Variants in JAK2 observed in about 807,000 individuals in gnomAD.
The protein encoded by JAK2 is Janus kinase 2, also known as tyrosine-protein kinase JAK2.
In JAK2, 86 loss-of-function variants were observed where a neutral mutation model predicts 139.3. That is an observed-to-expected ratio of 0.62 (90% CI 0.52 to 0.74). The LOEUF is 0.74. JAK2 is among the 30% of genes least tolerant of loss of function. JAK2 has a pLI of 0.00. For synonymous variants in JAK2, 490 were observed against 437.7 expected, an observed-to-expected ratio of 1.12 and a Z score of -1.49; for missense variants, 1,421 against 1,360.3, an observed-to-expected ratio of 1.04 and a Z score of -0.70.
Position 5,054,558 on chromosome 9 carries a change from C to A in JAK2, c.615-5C>A. ...GTTTTTCTGTATGTGCTTTTTTATC[C>A]CTAGCTACAAGACATTCTTACCAAA... On this transcript the variant is annotated splice_polypyrimidine_tract_variant and splice_region_variant and intron_variant, in intron 6 of 24. Transcript: ENST00000381652. This position sits in a 1 kb window ranked among gnomAD's most constrained non-coding sequence, Gnocchi z 4.9. 6.5e-7 allele frequency: 1 copy of A among 1,538,040 alleles called. No homozygotes were observed. Among genetic ancestry groups the A allele is most frequent in the South Asian group, 1.3e-5 (1 of 79,610 alleles).
At chr9:4,998,321 A>G (rs1238846334) in intron 2 of JAK2, among the ~76,000 whole-genome samples, 1 of 152,072 alleles carries the variant, frequency 6.6e-6, no homozygotes, top group African/African-American at 2.4e-5. Flanking sequence ...CAGTGGCATT[A>G]TCTCAGCTCA....
Position 5,126,710 on chromosome 9 carries a change from G to C in JAK2, c.3318G>C (p.Trp1106Cys). 1 of 1,610,238 alleles carries C rather than the reference G, an allele frequency of 6.2e-7. No individual in the cohort carries two copies. Among genetic ancestry groups the C allele is most frequent in the Non-Finnish European group, 8.5e-7 (1 of 1,177,332 alleles). Residue 1106 changes from tryptophan to cysteine, a missense_variant, in exon 25 of 25, where the codon TGG (tryptophan) becomes TGC (cysteine). Coordinates refer to ENST00000381652, the MANE Select transcript of JAK2 (RefSeq NM_004972.4). The part of the protein sequence containing the change: ...DEIYMIMTEC[W>C]NNNVNQRPSF... ...TCTATATGATCATGACAGAATGCTG[G>C]AACAATAATGTAAATCAACGCCCCT...
At chr9:5,030,474 G>C (rs1238666467) in intron 4 of JAK2, among the ~76,000 whole-genome samples, 2 of 151,984 alleles carry the variant, frequency 1.3e-5, no homozygotes. Context: ...ATTTTTCTAA[G>C]CATTTATATA....
chr9:5,056,603 G>C (rs939099099), intron 8 of JAK2, among the ~76,000 whole-genome samples: 2 of 152,096 alleles, frequency 1.3e-5, no homozygotes, highest in African/African-American at 4.8e-5. Flanking sequence ...TGAGCCTTTT[G>C]AAGGTAAGGA....
chr9:5,013,387 G>T (rs1282519646), intron 2 of JAK2, among the ~76,000 whole-genome samples: 2 of 152,160 alleles, frequency 1.3e-5, no homozygotes, highest in East Asian at 3.8e-4. Context: ...AATCAAAATG[G>T]TTATATCTTG....
intron 4 of JAK2, among the ~76,000 whole-genome samples, chr9:5,033,408 T>C (rs1031967841): frequency 3.9e-5 from 6 of 152,076 alleles, no homozygotes; most frequent in Non-Finnish European, 7.4e-5. Flanking sequence ...AGATACTCCT[T>C]GAGAAGAGCA....
At position 4,989,789 on chromosome 9, in the gene JAK2, A is replaced by G. The variant is rs896015625; in HGVS notation, c.-26+3767A>G. On this transcript the variant is annotated intron_variant, in intron 2 of 24. Coordinates refer to ENST00000381652, the MANE Select transcript of JAK2 (RefSeq NM_004972.4). ...ATGTATGATATGTTCAGAGAGCAGTACATAAATAACTTGACTGAAATGAAG... is the reference window on the plus strand; with the variant it reads ...ATGTATGATATGTTCAGAGAGCAGTGCATAAATAACTTGACTGAAATGAAG... Among the ~76,000 whole-genome samples the G allele has an allele frequency of 2.0e-5, 3 of 152,222 alleles. No homozygotes were observed. The South Asian group carries it at 6.2e-4, about 31-fold the overall frequency.
At chr9:5,013,464 C>T (rs963488333) in intron 2 of JAK2, among the ~76,000 whole-genome samples, 9 of 152,140 alleles carry the variant, frequency 5.9e-5, no homozygotes, top group Admixed American at 2.0e-4. Context: ...TTCTTGGCTT[C>T]TTCTTCAGAC....
At chr9:5,035,034 A>T (rs1823471683) in intron 4 of JAK2, among the ~76,000 whole-genome samples, 2 of 152,214 alleles carry the variant, frequency 1.3e-5, no homozygotes, top group Non-Finnish European at 2.9e-5. Flanking sequence ...ACATGCAATA[A>T]AAAATGATAA....
chr9:5,057,580 CTTTTTTTTTTT>C (rs541931562), intron 8 of JAK2, among the ~76,000 whole-genome samples: 1 of 116,800 alleles, frequency 8.6e-6, no homozygotes, highest in East Asian at 2.3e-4. Context: ...ATTCTACTTT[CTTTTTTTTTTT>C]TTTTTTTTTT....
intron 22 of JAK2, among the ~76,000 whole-genome samples, chr9:5,118,719 A>G (rs144523765): frequency 2.8e-3 from 427 of 152,326 alleles, no homozygotes; most frequent in Non-Finnish European, 4.1e-3. Flanking sequence ...GAGTTTTGTT[A>G]TAATAGTATC....
chr9:5,028,067 T>G (rs1822893236), intron 3 of JAK2, among the ~76,000 whole-genome samples: 2 of 152,232 alleles, frequency 1.3e-5, no homozygotes, highest in Non-Finnish European at 2.9e-5. Flanking sequence ...TTCCATAAGT[T>G]TTTTTATTTA....
At chr9:5,089,019 A>C (rs1238059383) in intron 19 of JAK2, among the ~76,000 whole-genome samples, 1 of 152,212 alleles carries the variant, frequency 6.6e-6, no homozygotes, top group Non-Finnish European at 1.5e-5. Context: ...TTTTGTAAAA[A>C]AGGAAAATTC....
Position 4,986,037 on chromosome 9 carries a change from C to T in JAK2, c.-26+15C>T, listed in dbSNP as rs966349777. 6.6e-6 allele frequency: 1 copy of T among 152,620 alleles called. No homozygotes were observed. The highest frequency in any genetic ancestry group is 1.5e-5 in the Non-Finnish European group (1 of 68,162). The allele number at this position is 152,620 out of a possible 1,614,324, so 9.5% of individuals were successfully genotyped here. A position where few individuals can be genotyped will look rare whatever the true frequency, so the allele number is the denominator to read the frequency against. The stretch of plus-strand genomic sequence containing the variant: ...CTCCCGCGACGGTGGGTGTGCTGTC[C>T]TTTATCGCTGCAGTAAAGGCGAAGG... On this transcript the variant is annotated intron_variant, in intron 2 of 24. Transcript: ENST00000381652.
chr9:5,073,887 T>C (rs1162777180), intron 14 of JAK2, 102 bp downstream of exon 14: 6 of 733,038 alleles, frequency 8.2e-6, no homozygotes, highest in Non-Finnish European at 1.2e-5. Flanking sequence ...CAGTGTAAAC[T>C]ATAATTTAAC....
intron 16 of JAK2, among the ~76,000 whole-genome samples, chr9:5,079,774 G>A (rs981010051): frequency 3.3e-5 from 5 of 152,002 alleles, no homozygotes; most frequent in Admixed American, 1.3e-4. Flanking sequence ...AGCTGCAATC[G>A]TGCCATTGCA....
intron 11 of JAK2, 141 bp downstream of exon 11, chr9:5,069,349 G>A (rs1818790186): frequency 1.3e-5 from 7 of 556,894 alleles, no homozygotes; most frequent in Middle Eastern, 4.8e-4. Context: ...TATTGTACAA[G>A]CATCATCAAA....
chr9:5,004,741 C>T (rs1821161918), intron 2 of JAK2, among the ~76,000 whole-genome samples: 1 of 152,036 alleles, frequency 6.6e-6, no homozygotes, highest in South Asian at 2.1e-4. Context: ...TACATTTTCC[C>T]ACCAAGAGTA....
chr9:5,080,333 A>G lies in JAK2; in HGVS notation c.2236A>G (p.Ile746Val), dbSNP rs749087363. 6 of 1,613,656 alleles carry G rather than the reference A, an allele frequency of 3.7e-6. No individual in the cohort carries two copies. The highest frequency in any genetic ancestry group is 1.6e-4 in the Middle Eastern group (1 of 6,082). Residue 746 changes from isoleucine to valine, a missense_variant, in exon 17 of 25, where the codon ATC becomes GTC. By Grantham distance (29) the Ile-to-Val change is conservative (BLOSUM62 3). Transcript: ENST00000381652. ...GAGTTTTGGTACCACTTTGTGGGAAATCTGCAGTGGAGGAGATAAACCTCT... is the reference window on the plus strand; with the variant it reads ...GAGTTTTGGTACCACTTTGTGGGAAGTCTGCAGTGGAGGAGATAAACCTCT... ...KWSFGTTLWEICSGGDKPLSA... is the reference protein window; with the variant it reads ...KWSFGTTLWEVCSGGDKPLSA...
Sources: gnomAD v4.1 joint callset for allele counts (sites outside exome capture counted in the v4.1 genomes callset) on GRCh38, gnomAD v4.1.1 for gene constraint, Gnocchi (gnomAD v3.1) non-coding constraint, MANE v1.5 for transcripts, NCBI Gene and HGNC (gene_info 2026-07-23, HGNC 2026-07-21) for gene names.